Variants in TTBK1 observed in about 807,000 individuals in gnomAD.
TTBK1 encodes the protein tau tubulin kinase 1.
TTBK1 carries 34 observed loss-of-function variants against 108.5 expected under a neutral mutation model. The ratio of observed to expected loss-of-function variants is 0.31; its 90% CI spans 0.24 to 0.42. TTBK1 has a LOEUF of 0.42. Among genes scored for constraint, TTBK1 ranks in the 10% least tolerant of loss-of-function variants. The pLI, the probability that TTBK1 is intolerant of heterozygous loss-of-function variation, is 1.00. For missense variants in TTBK1, 1,539 were observed against 1,826.0 expected (o/e 0.84, Z 2.86); for synonymous variants, 809 against 795.1 (o/e 1.02, Z -0.29).
chr6:43,283,950 A>G lies in TTBK1; in HGVS notation c.3210A>G (p.Ser1070=). The part of the protein sequence containing the change: ...LSEEDTGSEP[S]GSLSAKERWS... Reference sequence around the variant, plus strand: ...AGGAGGACACGGGCTCGGAGCCCTCAGGCTCACTGTCGGCCAAAGAGCGGT... The same window carrying G: ...AGGAGGACACGGGCTCGGAGCCCTCGGGCTCACTGTCGGCCAAAGAGCGGT... Residue 1070 remains serine (S), a synonymous_variant, in exon 14 of 15, where the codon TCA becomes TCG. Coordinates refer to ENST00000259750, the MANE Select transcript of TTBK1 (RefSeq NM_032538.3). The surrounding 1 kb of genome is among the most constrained non-coding windows in gnomAD (Gnocchi z 8.1). The G allele has an allele frequency of 6.2e-7, 1 of 1,612,620 alleles. No individual in the cohort carries two copies. The highest frequency in any genetic ancestry group is 1.7e-5 in the Admixed American group (1 of 60,002).
chr6:43,244,434 ACT>A, intron 1 of TTBK1, among the ~76,000 whole-genome samples: 1 of 152,050 alleles, frequency 6.6e-6, no homozygotes, highest in South Asian at 2.1e-4. Flanking sequence ...TCCTATCTGC[ACT>A]CTCTGACAGA....
chr6:43,285,253 C>G lies in TTBK1; in HGVS notation c.3843C>G (p.Ala1281=). Residue 1281 remains alanine, a synonymous_variant, in exon 15 of 15, where the codon GCC becomes GCG. Transcript: ENST00000259750. This position sits in a 1 kb window ranked among gnomAD's most constrained non-coding sequence, Gnocchi z 4.7. ...CCCGGGGCGTCCCGCCGGCCCGGGC[C>G]CAGCCTGATGGCACCCCCTCCCCCG... is the stretch of plus-strand genomic sequence containing the variant. ...PPPRGVPPAR[A]QPDGTPSPGG... is the part of the protein sequence containing the mutation. 2 of 1,298,092 alleles carry G rather than the reference C, an allele frequency of 1.5e-6. No homozygotes were observed. The highest frequency in any genetic ancestry group is 1.9e-6 in the Non-Finnish European group (2 of 1,027,766). The allele number at this position is 1,298,092 out of a possible 1,614,324, so 80.4% of individuals were successfully genotyped here. A position where few individuals can be genotyped will look rare whatever the true frequency, so the allele number is the denominator to read the frequency against.
At chr6:43,270,279 G>T (rs1417731816) in intron 13 of TTBK1, 2 of 1,121,928 alleles carry the variant, frequency 1.8e-6, no homozygotes, top group East Asian at 5.2e-5. Flanking sequence ...GGAAAGAGAG[G>T]TGTCAGGGAG....
intron 13 of TTBK1, among the ~76,000 whole-genome samples, chr6:43,277,660 C>A (rs1250212896): frequency 6.6e-6 from 1 of 152,240 alleles, no homozygotes; most frequent in Non-Finnish European, 1.5e-5. Flanking sequence ...CCTTCCGCCA[C>A]CTTCCCCTTC....
chr6:43,271,138 G>A (rs1231028807), intron 13 of TTBK1: 18 of 985,372 alleles, frequency 1.8e-5, no homozygotes, highest in Non-Finnish European at 1.9e-5. Context: ...TTCCCCTGGG[G>A]AATGCGGTAG....
At chr6:43,284,554 C>T (rs1324935942) in intron 14 of TTBK1, among the ~76,000 whole-genome samples, 2 of 152,208 alleles carry the variant, frequency 1.3e-5, no homozygotes, top group African/African-American at 4.8e-5. Context: ...AGAGGCCAGG[C>T]TTAGGAAAAG....
rs1582493764 is a variant in TTBK1 at position 43,262,960 on chromosome 6, G to A, written c.1596G>A (p.Leu532=). ...ALSNAFRSVP[L]AEEEDFDSKE... Reference sequence around the variant, plus strand: ...GCAACGCCTTCCGCTCGGTGCCGCTGGCTGAGGAGGAGGATTTCGACAGCA... The same window carrying A: ...GCAACGCCTTCCGCTCGGTGCCGCTAGCTGAGGAGGAGGATTTCGACAGCA... The change falls in exon 13 of 15, where the codon CTG becomes CTA. Residue 532 remains leucine, a synonymous_variant. Transcript: ENST00000259750. 3.1e-6 allele frequency: 5 copies of A among 1,613,798 alleles called. No homozygotes were observed. The highest frequency in any genetic ancestry group is 3.3e-4 in the Middle Eastern group (2 of 6,062).
At position 43,263,961 on chromosome 6, in the gene TTBK1, G is replaced by A. The variant is rs1424949566; in HGVS notation, c.1986+611G>A. The stretch of plus-strand genomic sequence containing the variant: ...GGCTGAGGTGGGGCTGTGGATGTGG[G>A]GCAAGGTGGATAGTGCCAAGGGTGT... On this transcript the variant is annotated intron_variant, in intron 13 of 14. Coordinates refer to ENST00000259750, the MANE Select transcript of TTBK1 (RefSeq NM_032538.3). This position sits in a 1 kb window ranked among gnomAD's most constrained non-coding sequence, Gnocchi z 4.7. Among the ~76,000 whole-genome samples, 2 of 152,184 alleles carry A rather than the reference G, an allele frequency of 1.3e-5. No homozygotes were observed. The highest frequency in any genetic ancestry group is 4.8e-5 in the African/African-American group (2 of 41,444).
rs762416657 is a variant in TTBK1 at position 43,283,307 on chromosome 6, A to G, written c.2567A>G (p.Asp856Gly). 8 of 1,577,682 alleles carry G rather than the reference A, an allele frequency of 5.1e-6. No homozygotes were observed. Among genetic ancestry groups the G allele is most frequent in the Non-Finnish European group, 6.9e-6 (8 of 1,161,934 alleles). The change falls in exon 14 of 15, where the codon GAC (aspartate) becomes GGC (glycine). Residue 856 changes from aspartate to glycine, a missense_variant. This residue lies in a region of TTBK1 where 1,055 missense variants were observed against 1,086.5 expected (regional missense o/e 0.97). Coordinates refer to ENST00000259750, the MANE Select transcript of TTBK1 (RefSeq NM_032538.3). This position sits in a 1 kb window ranked among gnomAD's most constrained non-coding sequence, Gnocchi z 8.1. Reference protein sequence around the residue: ...KSPVTAELAPDPDLGTLAALT... With the variant: ...KSPVTAELAPGPDLGTLAALT... Reference sequence around the variant, plus strand: ...CCCGTCACTGCCGAACTGGCCCCCGACCCCGACCTGGGCACCCTGGCTGCC... The same window carrying G: ...CCCGTCACTGCCGAACTGGCCCCCGGCCCCGACCTGGGCACCCTGGCTGCC...
At chr6:43,281,224 A>T (rs1382364529) in intron 13 of TTBK1, among the ~76,000 whole-genome samples, 2 of 152,142 alleles carry the variant, frequency 1.3e-5, no homozygotes, top group East Asian at 3.9e-4. Flanking sequence ...GAATAAAAAA[A>T]AATTAGCCGG....
intron 13 of TTBK1, among the ~76,000 whole-genome samples, chr6:43,268,468 T>C (rs1028367578): frequency 1.6e-4 from 24 of 152,300 alleles, no homozygotes; most frequent in African/African-American, 5.3e-4. Flanking sequence ...TGTGCCCCCA[T>C]GTGACAGCAG....
intron 13 of TTBK1, among the ~76,000 whole-genome samples, chr6:43,279,571 C>T (rs1457445287): frequency 1.3e-5 from 2 of 152,182 alleles, no homozygotes; most frequent in Non-Finnish European, 2.9e-5. Flanking sequence ...AGCCCCTCCA[C>T]CTCTATCCAG....
intron 14 of TTBK1, 142 bp downstream of exon 14, chr6:43,284,454 C>T: frequency 7.3e-7 from 1 of 1,374,374 alleles, no homozygotes; most frequent in Non-Finnish European, 9.5e-7. Flanking sequence ...CACCTCCCAA[C>T]TGTGCTCTGC....
Position 43,287,204 on chromosome 6 carries a change from TG to T in TTBK1, c.*1829del, listed in dbSNP as rs756956129. ...CCGGACAGAGCCCTCCTTGTCAACTTGAGGCCCTCCCAAGGCCCTCTACTGC... is the reference window on the plus strand; with the variant it reads ...CCGGACAGAGCCCTCCTTGTCAACTTAGGCCCTCCCAAGGCCCTCTACTGC... On this transcript the variant is annotated 3_prime_UTR_variant, in exon 15 of 15. Transcript: ENST00000259750. The surrounding 1 kb of genome is among the most constrained non-coding windows in gnomAD (Gnocchi z 4.1). 6.6e-6 allele frequency: 1 copy of T among 152,576 alleles called. No individual in the cohort carries two copies. The highest frequency in any genetic ancestry group is 1.5e-5 in the Non-Finnish European group (1 of 68,040). The allele number at this position is 152,576 out of a possible 1,614,324, so 9.5% of individuals were successfully genotyped here.
At chr6:43,270,629 A>T in intron 13 of TTBK1, 1 of 985,378 alleles carries the variant, frequency 1.0e-6, no homozygotes, top group Non-Finnish European at 1.2e-6. Context: ...GGCTCAGTCC[A>T]TGGTAGGCTG....
chr6:43,284,387 C>T, intron 14 of TTBK1, 75 bp downstream of exon 14: 1 of 1,472,810 alleles, frequency 6.8e-7, no homozygotes, highest in Non-Finnish European at 9.0e-7. Flanking sequence ...TTCTCCAGAA[C>T]CAAGGTCAGG....
At chr6:43,244,562 C>G (rs1777039082) in intron 1 of TTBK1, among the ~76,000 whole-genome samples, 1 of 152,212 alleles carries the variant, frequency 6.6e-6, no homozygotes, top group African/African-American at 2.4e-5. Flanking sequence ...TCATCCAACC[C>G]AGTCTCAGCT....
intron 2 of TTBK1, among the ~76,000 whole-genome samples, chr6:43,251,272 G>T (rs1472981485): frequency 1.3e-5 from 2 of 152,174 alleles, no homozygotes; most frequent in African/African-American, 2.4e-5. Context: ...GACGTTCGGG[G>T]CGGGTTCAGA....
chr6:43,278,900 G>A (rs1330948335), intron 13 of TTBK1, among the ~76,000 whole-genome samples: 1 of 152,184 alleles, frequency 6.6e-6, no homozygotes, highest in Non-Finnish European at 1.5e-5. Flanking sequence ...AGGTTGGTGT[G>A]GGGGTGGCAG....
Sources: gnomAD v4.1 joint callset for allele counts (sites outside exome capture counted in the v4.1 genomes callset) on GRCh38, gnomAD v4.1.1 for gene constraint, gnomAD v4.1.1 regional missense constraint, Gnocchi (gnomAD v3.1) non-coding constraint, MANE v1.5 for transcripts, NCBI Gene and HGNC (gene_info 2026-07-23, HGNC 2026-07-21) for gene names.